Variants in RSPH9 observed in about 807,000 individuals in gnomAD.
The protein encoded by RSPH9 is radial spoke head protein 9 homolog.
In RSPH9, 27 loss-of-function variants were observed where a neutral mutation model predicts 27.0. That is an observed-to-expected ratio of 1.00 (90% confidence interval 0.74 to 1.38). RSPH9 has a LOEUF of 1.38. Ranked by LOEUF, RSPH9 falls within the 40% of genes most tolerant of loss-of-function variation. The pLI is 0.00. For missense variants in RSPH9, 347 were observed against 357.4 expected (o/e 0.97, Z 0.24); for synonymous variants, 145 against 147.7 (o/e 0.98, Z 0.13).
intron 2 of RSPH9, among the ~76,000 whole-genome samples, chr6:43,654,475 C>T (rs923696777): frequency 2.6e-5 from 4 of 152,104 alleles, no homozygotes; most frequent in Admixed American, 2.0e-4. Flanking sequence ...ACTGCTTGAG[C>T]CCGGGAGTTG....
At chr6:43,651,089 C>G (rs143639023) in intron 2 of RSPH9, among the ~76,000 whole-genome samples, 1 of 152,076 alleles carries the variant, frequency 6.6e-6, no homozygotes, top group East Asian at 1.9e-4. Context: ...GCCAGCATCC[C>G]TGATGACTAA....
chr6:43,669,491 C>T lies in RSPH9; in HGVS notation c.671-1298C>T, dbSNP rs182202632. Among the ~76,000 whole-genome samples the T allele has an allele frequency of 2.4e-4, 36 of 152,294 alleles. No homozygotes were observed. In the East Asian group the frequency reaches 6.8e-3, roughly 29 times the overall value. On this transcript the variant is annotated intron_variant, in intron 4 of 4. Coordinates refer to ENST00000372163, the MANE Select transcript of RSPH9 (RefSeq NM_152732.5). Reference sequence around the variant, plus strand: ...TGTGAGGCTGCAGGGTGTGGAGTGACTAGGGTGAACCATGGTTGGAGGTGG... The same window carrying T: ...TGTGAGGCTGCAGGGTGTGGAGTGATTAGGGTGAACCATGGTTGGAGGTGG...
Position 43,672,091 on chromosome 6 carries a change from C to T in RSPH9, c.*1142C>T, listed in dbSNP as rs1773738400. 1.4e-6 allele frequency: 1 copy of T among 720,130 alleles called. No homozygotes were observed. Among genetic ancestry groups the T allele is most frequent in the South Asian group, 1.9e-5 (1 of 51,836 alleles). 44.6% of individuals were successfully genotyped at this position (720,130 alleles called of 1,614,324 possible). A position where few individuals can be genotyped will look rare whatever the true frequency, so the allele number is the denominator to read the frequency against. On this transcript the variant is annotated 3_prime_UTR_variant, in exon 5 of 5. Transcript: ENST00000372163. ...GCTGAGCGTCCTGTAAACAGATGGG[C>T]TGGGCTCTTGCTGCCGCAAGCCTGT...
chr6:43,661,192 T>C (rs548419897), intron 4 of RSPH9, among the ~76,000 whole-genome samples: 1 of 152,328 alleles, frequency 6.6e-6, no homozygotes, highest in African/African-American at 2.4e-5. Flanking sequence ...GTTCCATCTA[T>C]AGAGCACAGG....
chr6:43,671,959 C>A lies in RSPH9; in HGVS notation c.*1010C>A. 1 of 1,517,988 alleles carries A rather than the reference C, an allele frequency of 6.6e-7. No individual in the cohort carries two copies. Among genetic ancestry groups the A allele is most frequent in the Non-Finnish European group, 8.8e-7 (1 of 1,130,736 alleles). 94.0% of individuals were successfully genotyped at this position (1,517,988 alleles called of 1,614,324 possible). A position where few individuals can be genotyped will look rare whatever the true frequency, so the allele number is the denominator to read the frequency against. On this transcript the variant is annotated 3_prime_UTR_variant, in exon 5 of 5. Coordinates refer to ENST00000372163, the MANE Select transcript of RSPH9 (RefSeq NM_152732.5). ...GTGAGGGCTGGGGGCCCAAGCTGGA[C>A]GTGGGAGAGTGGAGCACTACCTCCT...
At chr6:43,651,240 C>G (rs1771435709) in intron 2 of RSPH9, among the ~76,000 whole-genome samples, 1 of 152,076 alleles carries the variant, frequency 6.6e-6, no homozygotes, top group Non-Finnish European at 1.5e-5. Context: ...GGACATTCTC[C>G]TACCAGTTCA....
At chr6:43,652,686 A>G (rs1582382159) in intron 2 of RSPH9, among the ~76,000 whole-genome samples, 1 of 150,554 alleles carries the variant, frequency 6.6e-6, no homozygotes, top group Non-Finnish European at 1.5e-5. Context: ...TCGGCCTCCC[A>G]AAGTGCTGGG....
Position 43,671,854 on chromosome 6 carries a change from G to A in RSPH9, c.*905G>A, listed in dbSNP as rs369258010. ...GGCATGCGCACCCTGTTCCAGCGGG[G>A]GCCTTTTTTGTAGATGGGCTTGACG... On this transcript the variant is annotated 3_prime_UTR_variant, in exon 5 of 5. Transcript: ENST00000372163. 1.9e-6 allele frequency: 3 copies of A among 1,614,048 alleles called. No homozygotes were observed. The highest frequency in any genetic ancestry group is 1.1e-5 in the South Asian group (1 of 91,072).
intron 1 of RSPH9, among the ~76,000 whole-genome samples, chr6:43,647,196 G>A (rs1770977878): frequency 6.8e-6 from 1 of 147,360 alleles, no homozygotes; most frequent in Admixed American, 6.8e-5. Context: ...TATTTATTTA[G>A]GGAACAGTTA....
intron 4 of RSPH9, among the ~76,000 whole-genome samples, chr6:43,669,507 T>C (rs1470500823): frequency 2.0e-5 from 3 of 152,058 alleles, no homozygotes; most frequent in Non-Finnish European, 4.4e-5. Context: ...TGAACCATGG[T>C]TGGAGGTGGC....
chr6:43,670,700 G>A, intron 4 of RSPH9, 89 bp from the exon 5 acceptor site: 3 of 1,184,890 alleles, frequency 2.5e-6, no homozygotes, highest in Non-Finnish European at 3.7e-6. Context: ...CCTGGGCCTG[G>A]CTGCCCAAGG....
chr6:43,667,517 G>A (rs980877033), intron 4 of RSPH9, among the ~76,000 whole-genome samples: 1 of 152,246 alleles, frequency 6.6e-6, no homozygotes, highest in Non-Finnish European at 1.5e-5. Flanking sequence ...ATGGGCGCGG[G>A]GGGGAACATG....
At chr6:43,664,691 C>T (rs2127925991) in intron 4 of RSPH9, among the ~76,000 whole-genome samples, 1 of 152,346 alleles carries the variant, frequency 6.6e-6, no homozygotes, top group South Asian at 2.1e-4. Flanking sequence ...AGTCAAGCTA[C>T]TCTGAGCAGG....
chr6:43,671,776 T>C lies in RSPH9; in HGVS notation c.*827T>C. ...ACTGCTCTCTGTCAGTGATACAGCT[T>C]CCAAGGTGTTCTTGAGTAGCAGACA... On this transcript the variant is annotated 3_prime_UTR_variant, in exon 5 of 5. Transcript: ENST00000372163. The C allele has an allele frequency of 6.2e-7, 1 of 1,614,180 alleles. No homozygotes were observed. The highest frequency in any genetic ancestry group is 1.1e-5 in the South Asian group (1 of 91,080).
intron 4 of RSPH9, among the ~76,000 whole-genome samples, chr6:43,663,280 A>G (rs973041565): frequency 1.3e-5 from 2 of 151,936 alleles, no homozygotes; most frequent in Non-Finnish European, 2.9e-5. Context: ...GTGCAATGGC[A>G]TGATCTCAGC....
intron 1 of RSPH9, among the ~76,000 whole-genome samples, chr6:43,646,040 C>T (rs1770823966): frequency 6.6e-6 from 1 of 152,144 alleles, no homozygotes. Context: ...CTGCAACCTC[C>T]GCCTCCCGGA....
intron 2 of RSPH9, among the ~76,000 whole-genome samples, chr6:43,652,903 C>A (rs116020284): frequency 2.7e-3 from 417 of 152,280 alleles, no homozygotes; most frequent in African/African-American, 9.6e-3. Flanking sequence ...ACTGCAGCCT[C>A]CATTCCCTGG....
intron 2 of RSPH9, among the ~76,000 whole-genome samples, chr6:43,654,167 A>G (rs902714737): frequency 6.6e-6 from 1 of 152,182 alleles, no homozygotes; most frequent in African/African-American, 2.4e-5. Context: ...CATGGCAAAT[A>G]GGTGGCTCCG....
rs376084828 is a variant in RSPH9, at chr6:43,666,818, G to T, written c.671-3971G>T. 2.6e-5 allele frequency among the ~76,000 whole-genome samples: 4 copies of T among 152,200 alleles called. No homozygotes were observed. In the East Asian group the frequency reaches 7.7e-4, roughly 29 times the overall value. On this transcript the variant is annotated intron_variant, in intron 4 of 4. Coordinates refer to ENST00000372163, the MANE Select transcript of RSPH9 (RefSeq NM_152732.5). ...GAGACAGAGTCTCGCTGGAACCTCA[G>T]CTCATTACAACCTCTGCCTCCTGGG... is the stretch of plus-strand genomic sequence containing the variant.
Sources: allele counts gnomAD v4.1 joint callset (sites outside exome capture counted in the v4.1 genomes callset), GRCh38; gene constraint gnomAD v4.1.1; transcripts MANE v1.5; gene names NCBI Gene and HGNC (gene_info 2026-07-23, HGNC 2026-07-21).